ACSM2A: variants seen among roughly 807,000 people sequenced by gnomAD.
ACSM2A encodes acyl-CoA synthetase medium chain family member 2A, also known as acyl-coenzyme A synthetase ACSM2A, mitochondrial.
In ACSM2A, 72 loss-of-function variants were observed where a neutral mutation model predicts 76.6. The ratio of observed to expected loss-of-function variants is 0.94; its 90% confidence interval spans 0.78 to 1.14. The LOEUF is 1.14. ACSM2A is among the 50% of genes most tolerant of loss of function. The pLI, the probability that ACSM2A is intolerant of heterozygous loss-of-function variation, is 0.00. For missense variants in ACSM2A, 684 were observed against 708.5 expected (o/e 0.97, Z 0.39); for synonymous variants, 249 against 255.9 (o/e 0.97, Z 0.26).
rs1368893588 is a variant in ACSM2A at position 20,460,147 on chromosome 16, C to A, written c.33C>A (p.Cys11Ter). Residue 11 changes from cysteine (C) to a stop codon, truncating the protein, a stop_gained, in exon 2 of 14, where the codon TGC becomes TGA. Coordinates refer to ENST00000573854, the MANE Select transcript of ACSM2A (RefSeq NM_001308172.2). LOFTEE classifies it high-confidence loss of function. ...GGCTGCGAAAAGTTCAGGGACTTTG[C>A]ACCCTGTGGGGTACTCAGATGTCCA... is the stretch of plus-strand genomic sequence containing the variant. MHWLRKVQGL[C>*]TLWGTQMSSR... The A allele has an allele frequency of 1.9e-6, 3 of 1,612,266 alleles. No individual in the cohort carries two copies. Among genetic ancestry groups the A allele is most frequent in the Non-Finnish European group, 2.5e-6 (3 of 1,178,962 alleles).
intron 1 of ACSM2A, among the ~76,000 whole-genome samples, chr16:20,459,392 A>G (rs1306293764): frequency 1.3e-5 from 2 of 152,222 alleles, no homozygotes; most frequent in Non-Finnish European, 2.9e-5. Flanking sequence ...TTTAAAGAAA[A>G]GGATGCTACT....
At position 20,477,230 on chromosome 16, in the gene ACSM2A, G is replaced by A. The variant is rs909126205; in HGVS notation, c.1099-139G>A. 9.6e-6 allele frequency: 13 copies of A among 1,359,898 alleles called. No individual in the cohort carries two copies. The African/African-American group carries it at 1.9e-4, about 20-fold the overall frequency. The allele number at this position is 1,359,898 out of a possible 1,614,324, so 84.2% of individuals were successfully genotyped here. A position where few individuals can be genotyped will look rare whatever the true frequency, so the allele number is the denominator to read the frequency against. On this transcript the variant is annotated intron_variant, in intron 8 of 13. Coordinates refer to ENST00000573854, the MANE Select transcript of ACSM2A (RefSeq NM_001308172.2). ...GTTCCAGTAATGGGGAGAGAGCCAG[G>A]GAATGAGGAGCAGGGGGAGCCACCA...
intron 4 of ACSM2A, 97 bp downstream of exon 4, chr16:20,469,816 A>G (rs1372355403): frequency 1.3e-6 from 2 of 1,531,886 alleles, no homozygotes; most frequent in African/African-American, 2.8e-5. Context: ...TGCAGAAAGA[A>G]CAGCATGGGA....
At position 20,472,467 on chromosome 16, in the gene ACSM2A, C is replaced by T. The variant is rs190343673; in HGVS notation, c.894+778C>T. 2.6e-4 allele frequency among the ~76,000 whole-genome samples: 39 copies of T among 152,198 alleles called. No individual in the cohort carries two copies. The East Asian group carries it at 6.4e-3, about 25-fold the overall frequency. ...CTGCTTCATTACCTTGCATAATTAC[C>T]CCTAAAAGCCCTGCCTCCAAATACC... On this transcript the variant is annotated intron_variant, in intron 6 of 13. Transcript: ENST00000573854.
rs1183913423 is a variant in ACSM2A at position 20,460,043 on chromosome 16, G to A, written c.-8-64G>A. 26 of 1,498,416 alleles carry A rather than the reference G, an allele frequency of 1.7e-5. No homozygotes were observed. In the East Asian group the frequency reaches 4.5e-4, roughly 26 times the overall value. 92.8% of individuals were successfully genotyped at this position (1,498,416 alleles called of 1,614,324 possible). ...AGGTTGGGATGAATCTCCTGAAGCT[G>A]CTGATGATCAGTAGAGCAATCTGTT... On this transcript the variant is annotated intron_variant, in intron 1 of 13. Coordinates refer to ENST00000573854, the MANE Select transcript of ACSM2A (RefSeq NM_001308172.2).
intron 1 of ACSM2A, among the ~76,000 whole-genome samples, chr16:20,459,553 C>A (rs1226095933): frequency 2.0e-5 from 3 of 152,140 alleles, no homozygotes; most frequent in African/African-American, 7.2e-5. Context: ...GGGTCCCAGT[C>A]TGAAGGTACA....
chr16:20,460,333 T>G (rs1358968246), intron 2 of ACSM2A, 42 bp downstream of exon 2: 1 of 1,606,274 alleles, frequency 6.2e-7, no homozygotes, highest in East Asian at 2.2e-5. Context: ...ACAATTTTGT[T>G]GACTTTTAAA....
intron 1 of ACSM2A, chr16:20,453,794 CCT>C (rs1596634479): frequency 8.1e-6 from 1 of 123,468 alleles, no homozygotes; most frequent in Admixed American, 7.7e-5. Context: ...CTATAGATGG[CCT>C]CTCTGGGAGT....
chr16:20,484,163 A>G (rs1047297001), intron 13 of ACSM2A, among the ~76,000 whole-genome samples: 44 of 150,276 alleles, frequency 2.9e-4, no homozygotes, highest in African/African-American at 1.1e-3. Flanking sequence ...TAGCCAAGTC[A>G]TCCTCAGAGA....
At chr16:20,467,641 G>A (rs900033870) in intron 3 of ACSM2A, among the ~76,000 whole-genome samples, 2 of 152,120 alleles carry the variant, frequency 1.3e-5, no homozygotes, top group African/African-American at 4.8e-5. Flanking sequence ...CAAGTGGGTG[G>A]ATGGTGCTTT....
At position 20,465,726 on chromosome 16, in the gene ACSM2A, A is replaced by G. The variant is rs748735339; in HGVS notation, c.387A>G (p.Ala129=). ...TGGTGATCCTGGGCTGCATTCGAGCAGGTTGGTAACTGACTACCTGGACAG... is the reference window on the plus strand; with the variant it reads ...TGGTGATCCTGGGCTGCATTCGAGCGGGTTGGTAACTGACTACCTGGACAG... ...WWLVILGCIR[A]GLIFMPGTIQ... is the part of the protein sequence containing the mutation. Residue 129 remains alanine, a splice_region_variant and synonymous_variant, in exon 3 of 14, where the codon GCA becomes GCG. Coordinates refer to ENST00000573854, the MANE Select transcript of ACSM2A (RefSeq NM_001308172.2). The G allele has an allele frequency of 6.2e-7, 1 of 1,613,666 alleles. No individual in the cohort carries two copies. The highest frequency in any genetic ancestry group is 8.5e-7 in the Non-Finnish European group (1 of 1,179,652).
chr16:20,468,160 G>A (rs906494387), intron 3 of ACSM2A, among the ~76,000 whole-genome samples: 2 of 152,096 alleles, frequency 1.3e-5, no homozygotes, highest in Non-Finnish European at 2.9e-5. Context: ...AGAACCCAGA[G>A]GAAGAGATGT....
In ACSM2A at chr16:20,465,661, C is replaced by G. The variant is rs376136828; in HGVS notation, c.322C>G (p.Arg108Gly). ...AGCCTGTGGCCTGCAGCGTGGGGAT[C>G]GTGTGGCAGTGGTGCTGCCCCGAGT... ...SGACGLQRGD[R>G]VAVVLPRVPE... is the part of the protein sequence containing the mutation. The change falls in exon 3 of 14, where the codon CGT becomes GGT. Residue 108 changes from arginine to glycine, a missense_variant. Arg to Gly is a moderately radical substitution (Grantham distance 125). This residue lies in a region of ACSM2A where 519 missense variants were observed against 549.5 expected (regional missense o/e 0.94). Transcript: ENST00000573854. 5 of 1,613,864 alleles carry G rather than the reference C, an allele frequency of 3.1e-6. No homozygotes were observed. The African/African-American group carries it at 6.7e-5, about 22-fold the overall frequency.
At chr16:20,475,834 G>A (rs2013707148) in intron 8 of ACSM2A, 61 bp downstream of exon 8, 1 of 1,597,928 alleles carries the variant, frequency 6.3e-7, no homozygotes, top group African/African-American at 1.4e-5. Flanking sequence ...AATTCTCTTT[G>A]ACAATAAAAA....
At chr16:20,464,648 G>A (rs1476506186) in intron 2 of ACSM2A, among the ~76,000 whole-genome samples, 1 of 152,056 alleles carries the variant, frequency 6.6e-6, no homozygotes, top group Non-Finnish European at 1.5e-5. Flanking sequence ...CTCCCACCAA[G>A]CCCCACCTCT....
In ACSM2A at chr16:20,465,509, T is replaced by A. The variant is rs753481089; in HGVS notation, c.178-8T>A. On this transcript the variant is annotated splice_region_variant and splice_polypyrimidine_tract_variant and intron_variant, in intron 2 of 13. Transcript: ENST00000573854. ...GCCCCCTGATCAACAGGGCTTCTCT[T>A]TCCTCAGGCTGGCAAGCGACTCCCA... The A allele has an allele frequency of 3.1e-6, 5 of 1,613,750 alleles. No individual in the cohort carries two copies. The highest frequency in any genetic ancestry group is 4.2e-6 in the Non-Finnish European group (5 of 1,179,700).
At chr16:20,471,452 C>A in intron 5 of ACSM2A, 84 bp from the exon 6 acceptor site, 3 of 1,525,890 alleles carry the variant, frequency 2.0e-6, no homozygotes, top group Non-Finnish European at 2.7e-6. Context: ...CACACACCTC[C>A]CTTTCCTCCC....
intron 1 of ACSM2A, among the ~76,000 whole-genome samples, chr16:20,452,829 T>C (rs2011861437): frequency 2.0e-5 from 3 of 151,424 alleles, no homozygotes; most frequent in Non-Finnish European, 4.4e-5. Context: ...GTGTGAACTG[T>C]TTAAAGAGTT....
intron 1 of ACSM2A, among the ~76,000 whole-genome samples, chr16:20,454,612 G>C (rs1304573184): frequency 6.6e-6 from 1 of 151,988 alleles, no homozygotes; most frequent in Non-Finnish European, 1.5e-5. Flanking sequence ...AAAAGGGAAA[G>C]AGTACTACAT....
Sources: allele counts gnomAD v4.1 joint callset (sites outside exome capture counted in the v4.1 genomes callset), GRCh38; gene constraint gnomAD v4.1.1; regional missense constraint gnomAD v4.1.1; transcripts MANE v1.5; gene names NCBI Gene and HGNC (gene_info 2026-07-23, HGNC 2026-07-21).